The following GALNT11 variants were observed in gnomAD, a reference collection of about 807,000 sequenced individuals.
GALNT11 encodes polypeptide N-acetylgalactosaminyltransferase 11.
GALNT11 carries 47 observed loss-of-function variants against 72.7 expected under a neutral mutation model. That is an observed-to-expected ratio of 0.65 (90% CI 0.51 to 0.82). The LOEUF (loss-of-function observed/expected upper bound fraction) is 0.82. Among genes scored for constraint, GALNT11 ranks in the 40% least tolerant of loss-of-function variants. The pLI is 0.00. For missense variants in GALNT11, 677 were observed against 778.4 expected, an observed-to-expected ratio of 0.87 and a Z score of 1.55; for synonymous variants, 270 against 286.6, an observed-to-expected ratio of 0.94 and a Z score of 0.58.
At chr7:152,106,832 T>G (rs2087614335) in intron 5 of GALNT11, among the ~76,000 whole-genome samples, 1 of 152,208 alleles carries the variant, frequency 6.6e-6, no homozygotes, top group African/African-American at 2.4e-5. Context: ...TTCCTTTAAA[T>G]TGGTGTTAAT....
intron 1 of GALNT11, among the ~76,000 whole-genome samples, chr7:152,028,656 C>T (rs1275760329): frequency 2.0e-5 from 3 of 152,172 alleles, no homozygotes; most frequent in Non-Finnish European, 4.4e-5. Flanking sequence ...GACCCAGAAG[C>T]ACAGCCAGCT....
Position 152,121,562 on chromosome 7 carries a change from A to G in GALNT11, c.1712A>G (p.Tyr571Cys), listed in dbSNP as rs767946515. 1.2e-6 allele frequency: 2 copies of G among 1,611,180 alleles called. No homozygotes were observed. Among genetic ancestry groups the G allele is most frequent in the Non-Finnish European group, 1.7e-6 (2 of 1,179,154 alleles). The change falls in exon 12 of 12, where the codon TAC becomes TGC. Residue 571 changes from tyrosine to cysteine, a missense_variant. Transcript: ENST00000430044. ...TTTTTTCAGAAAAACAATCGGCTAT[A>G]CCAGGTGTCGGTTGGACAGTGCCTG... ...QWTFGKNNRL[Y>C]QVSVGQCLRA...
chr7:152,108,092 A>G lies in GALNT11; in HGVS notation c.767A>G (p.Gln256Arg). The part of the protein sequence containing the change: ...SHCEVNVMWL[Q>R]PLLAAIREDR... ...TGTGAAGTGAATGTGATGTGGCTGC[A>G]GCCCTTGCTGGCCGCCATCCGTGAG... Residue 256 changes from glutamine (Q) to arginine (R), a missense_variant, in exon 6 of 12, where the codon CAG (glutamine) becomes CGG (arginine). By Grantham distance (43) the Gln-to-Arg change is conservative (BLOSUM62 1). Coordinates refer to ENST00000430044, the MANE Select transcript of GALNT11 (RefSeq NM_022087.4). 3 of 1,614,048 alleles carry G rather than the reference A, an allele frequency of 1.9e-6. No homozygotes were observed. The highest frequency in any genetic ancestry group is 2.5e-6 in the Non-Finnish European group (3 of 1,179,918).
At chr7:152,067,385 G>T (rs1274845715) in intron 1 of GALNT11, among the ~76,000 whole-genome samples, 1 of 152,182 alleles carries the variant, frequency 6.6e-6, no homozygotes, top group African/African-American at 2.4e-5. Flanking sequence ...GGAATTCTGT[G>T]TGGAGATCTG....
At chr7:152,048,340 A>T (rs1414704746) in intron 1 of GALNT11, among the ~76,000 whole-genome samples, 1 of 150,766 alleles carries the variant, frequency 6.6e-6, no homozygotes, top group Non-Finnish European at 1.5e-5. Flanking sequence ...TTTATGTTTG[A>T]CCTTTGGGAG....
intron 1 of GALNT11, among the ~76,000 whole-genome samples, chr7:152,082,672 C>G (rs1189227781): frequency 1.3e-5 from 2 of 152,176 alleles, no homozygotes; most frequent in Admixed American, 1.3e-4. Context: ...TAGCACAGGT[C>G]TTTGAATAAA....
At chr7:152,092,962 C>T (rs912389961) in intron 1 of GALNT11, among the ~76,000 whole-genome samples, 10 of 152,132 alleles carry the variant, frequency 6.6e-5, no homozygotes, top group Non-Finnish European at 1.5e-4. Flanking sequence ...GCACGGTGGC[C>T]TCACGCCTGT....
chr7:152,086,353 T>C (rs1332792133), intron 1 of GALNT11, among the ~76,000 whole-genome samples: 4 of 152,198 alleles, frequency 2.6e-5, no homozygotes, highest in Non-Finnish European at 1.5e-5. Context: ...CGAAAACAGA[T>C]AGTTCCTTTA....
intron 1 of GALNT11, among the ~76,000 whole-genome samples, chr7:152,064,582 T>G (rs2084201512): frequency 6.6e-6 from 1 of 152,240 alleles, no homozygotes; most frequent in Non-Finnish European, 1.5e-5. Flanking sequence ...GTTTTTGCAG[T>G]GTCTGGTACC....
At chr7:152,032,463 C>A (rs2082348731) in intron 1 of GALNT11, among the ~76,000 whole-genome samples, 2 of 152,202 alleles carry the variant, frequency 1.3e-5, no homozygotes, top group Non-Finnish European at 2.9e-5. Flanking sequence ...ATTACTGCCT[C>A]ACTGATGAGT....
At chr7:152,116,681 C>T (rs904777956) in intron 8 of GALNT11, among the ~76,000 whole-genome samples, 1 of 152,146 alleles carries the variant, frequency 6.6e-6, no homozygotes, top group Non-Finnish European at 1.5e-5. Context: ...TTTAAAAATA[C>T]ATATATTTAA....
intron 1 of GALNT11, among the ~76,000 whole-genome samples, chr7:152,044,987 T>C (rs1289650918): frequency 6.6e-6 from 1 of 152,168 alleles, no homozygotes; most frequent in Non-Finnish European, 1.5e-5. Context: ...GAGGTTTTTA[T>C]CATGAAAGGA....
intron 1 of GALNT11, among the ~76,000 whole-genome samples, chr7:152,055,850 T>C (rs1017243217): frequency 6.6e-6 from 1 of 152,132 alleles, no homozygotes; most frequent in Non-Finnish European, 1.5e-5. Context: ...TAGATTCACA[T>C]GTAATTATAA....
chr7:152,105,111 T>G, intron 4 of GALNT11, 134 bp from the exon 5 acceptor site: 3 of 939,224 alleles, frequency 3.2e-6, no homozygotes, highest in Non-Finnish European at 4.6e-6. Flanking sequence ...TCTTTTAAAG[T>G]AAAATATTCT....
At chr7:152,086,476 A>G (rs2085656973) in intron 1 of GALNT11, among the ~76,000 whole-genome samples, 1 of 152,230 alleles carries the variant, frequency 6.6e-6, no homozygotes, top group Non-Finnish European at 1.5e-5. Flanking sequence ...TACTCTCTAA[A>G]GAATTATAAT....
At chr7:152,072,704 C>T (rs2084730294) in intron 1 of GALNT11, among the ~76,000 whole-genome samples, 1 of 152,176 alleles carries the variant, frequency 6.6e-6, no homozygotes, top group South Asian at 2.1e-4. Context: ...ACTGCCTTTA[C>T]CTGTTTAGAA....
intron 2 of GALNT11, among the ~76,000 whole-genome samples, chr7:152,097,869 C>T (rs2086496938): frequency 6.6e-6 from 1 of 152,130 alleles, no homozygotes; most frequent in African/African-American, 2.4e-5. Flanking sequence ...GGAATAACTG[C>T]TTTAATGGGT....
chr7:152,067,657 C>T (rs2084386438), intron 1 of GALNT11, among the ~76,000 whole-genome samples: 1 of 152,166 alleles, frequency 6.6e-6, no homozygotes, highest in African/African-American at 2.4e-5. Context: ...TTTCCTGTCC[C>T]AGTCTTAGAA....
chr7:152,083,246 A>G (rs1374181626), intron 1 of GALNT11, among the ~76,000 whole-genome samples: 2 of 152,064 alleles, frequency 1.3e-5, no homozygotes, highest in East Asian at 3.9e-4. Flanking sequence ...ATTTTGCCCA[A>G]TCCCAGATAA....
Sources: gnomAD v4.1 joint callset for allele counts (sites outside exome capture counted in the v4.1 genomes callset) on GRCh38, gnomAD v4.1.1 for gene constraint, MANE v1.5 for transcripts, NCBI Gene and HGNC (gene_info 2026-07-23, HGNC 2026-07-21) for gene names.